The following TOM1L2 variants were observed in gnomAD, a reference collection of about 807,000 sequenced individuals.
The protein encoded by TOM1L2 is target of myb1 like 2 membrane trafficking protein.
In TOM1L2, 31 loss-of-function variants were observed where a neutral mutation model predicts 67.9. That is an observed-to-expected ratio of 0.46 (90% CI 0.34 to 0.62). TOM1L2 has a LOEUF of 0.62. Among genes scored for constraint, TOM1L2 ranks in the 20% least tolerant of loss-of-function variants. The probability of loss-of-function intolerance (pLI) is 0.01; values close to 1 mark genes in which losing one functional copy is unlikely to be tolerated. For synonymous variants in TOM1L2, 256 were observed against 254.0 expected, an observed-to-expected ratio of 1.01 and a Z score of -0.07; for missense variants, 606 against 663.5, an observed-to-expected ratio of 0.91 and a Z score of 0.95.
intron 3 of TOM1L2, 144 bp from the exon 4 acceptor site, chr17:17,893,954 C>A: frequency 2.7e-6 from 2 of 734,598 alleles, no homozygotes. Flanking sequence ...AGAGCCAAAC[C>A]TGCATGGCAC....
intron 2 of TOM1L2, among the ~76,000 whole-genome samples, chr17:17,900,539 AGAG>A (rs1297128035): frequency 6.7e-6 from 1 of 150,178 alleles, no homozygotes; most frequent in African/African-American, 2.5e-5. Flanking sequence ...AAAAAAAAAA[AGAG>A]AGAAAGAAAG....
At chr17:17,915,504 G>A (rs1031165598) in intron 1 of TOM1L2, among the ~76,000 whole-genome samples, 2 of 150,766 alleles carry the variant, frequency 1.3e-5, no homozygotes, top group African/African-American at 4.9e-5. Context: ...AATTTTTTTG[G>A]CCCCTCACCC....
At chr17:17,940,009 A>T (rs1310467418) in intron 1 of TOM1L2, among the ~76,000 whole-genome samples, 1 of 151,972 alleles carries the variant, frequency 6.6e-6, no homozygotes, top group Non-Finnish European at 1.5e-5. Context: ...CCTGGCCAAC[A>T]TGGTGAAACC....
chr17:17,892,466 C>G (rs553984572), intron 4 of TOM1L2, among the ~76,000 whole-genome samples: 2 of 152,148 alleles, frequency 1.3e-5, no homozygotes, highest in Non-Finnish European at 1.5e-5. Context: ...TGTGTCACCA[C>G]GTGCTCTGTC....
In TOM1L2 at chr17:17,910,333, G is replaced by T. The variant is rs188327042; in HGVS notation, c.53-2802C>A. On this transcript the variant is annotated intron_variant, in intron 1 of 14. Coordinates refer to ENST00000379504, the MANE Select transcript of TOM1L2 (RefSeq NM_001082968.2). ...GTGAGCTCTGTGAGGGCAGGGACTAGGTCTGTCTTGCCTTCCACTGGGTCC... is the reference window on the plus strand; with the variant it reads ...GTGAGCTCTGTGAGGGCAGGGACTATGTCTGTCTTGCCTTCCACTGGGTCC... 3.3e-5 allele frequency among the ~76,000 whole-genome samples: 5 copies of T among 152,338 alleles called. No homozygotes were observed. The South Asian group carries it at 8.3e-4, about 25-fold the overall frequency.
rs79834613 is a variant in TOM1L2, at chr17:17,850,280, C to T, written c.1338+613G>A. 4.7e-3 allele frequency among the ~76,000 whole-genome samples: 713 copies of T among 152,302 alleles called. 3 individuals are homozygous for T. Among genetic ancestry groups the T allele is most frequent in the Middle Eastern group, 0.02 (6 of 294 alleles). On this transcript the variant is annotated intron_variant, in intron 13 of 14. Transcript: ENST00000379504. Reference sequence around the variant, plus strand: ...CAGAGGGAGGGGCCAGCAGTTATCACATGCAGCCACTGCAGCTCTCCTTTC... The same window carrying T: ...CAGAGGGAGGGGCCAGCAGTTATCATATGCAGCCACTGCAGCTCTCCTTTC...
chr17:17,863,557 A>G (rs1025619175), intron 10 of TOM1L2: 1 of 142,892 alleles, frequency 7.0e-6, no homozygotes, highest in African/African-American at 2.6e-5. Flanking sequence ...GTGGGAAGAC[A>G]CTAGACTTTT....
At chr17:17,967,434 A>C (rs752667466) in intron 1 of TOM1L2, among the ~76,000 whole-genome samples, 3 of 152,272 alleles carry the variant, frequency 2.0e-5, no homozygotes, top group African/African-American at 4.8e-5. Flanking sequence ...AATGGACCTG[A>C]CTTGGGGAAC....
At chr17:17,966,269 T>C (rs1463345206) in intron 1 of TOM1L2, among the ~76,000 whole-genome samples, 1 of 152,216 alleles carries the variant, frequency 6.6e-6, no homozygotes, top group Non-Finnish European at 1.5e-5. Context: ...CTAATTTAGA[T>C]ACCTACACAC....
rs1362445170 is a variant in TOM1L2, at chr17:17,866,891, T to A, written c.945A>T (p.Gln315His). 3 of 1,614,072 alleles carry A rather than the reference T, an allele frequency of 1.9e-6. No homozygotes were observed. The Admixed American group carries it at 5.0e-5, about 27-fold the overall frequency. Reference sequence around the variant, plus strand: ...GAATACTTACTCCATTACTGGCATTTTGAACGGATCGGCCAGACCTGTATC... The same window carrying A: ...GAATACTTACTCCATTACTGGCATTATGAACGGATCGGCCAGACCTGTATC... ...FERYRSGRSV[Q>H]NASNGVLNEV... The change falls in exon 9 of 15, where the codon CAA becomes CAT. Residue 315 changes from glutamine (Q) to histidine (H), a missense_variant. Physicochemically the swap from Gln to His is conservative, Grantham distance 24 (BLOSUM62 0). Transcript: ENST00000379504.
chr17:17,962,044 A>G (rs2041700238), intron 1 of TOM1L2, among the ~76,000 whole-genome samples: 1 of 152,252 alleles, frequency 6.6e-6, no homozygotes, highest in Non-Finnish European at 1.5e-5. Context: ...AGCCTTAACA[A>G]GGAAGGAAAC....
At chr17:17,967,279 G>T (rs1316573494) in intron 1 of TOM1L2, among the ~76,000 whole-genome samples, 2 of 152,194 alleles carry the variant, frequency 1.3e-5, no homozygotes, top group Non-Finnish European at 2.9e-5. Context: ...ACAATGAAGA[G>T]AATACATGCC....
chr17:17,949,515 T>C (rs749335247), intron 1 of TOM1L2, among the ~76,000 whole-genome samples: 1 of 152,152 alleles, frequency 6.6e-6, no homozygotes, highest in Non-Finnish European at 1.5e-5. Context: ...AGGGTGGGTA[T>C]ATGAAAAAAG....
At chr17:17,919,627 AC>A (rs1448336911) in intron 1 of TOM1L2, among the ~76,000 whole-genome samples, 1 of 151,918 alleles carries the variant, frequency 6.6e-6, no homozygotes, top group African/African-American at 2.4e-5. Flanking sequence ...CATTTCCTGG[AC>A]CCCAGGAAGT....
intron 7 of TOM1L2, chr17:17,872,157 AAC>A: frequency 1.9e-5 from 9 of 475,648 alleles, no homozygotes; most frequent in Non-Finnish European, 2.5e-5. Flanking sequence ...ACACAGGGGA[AAC>A]ACTCATTACA....
chr17:17,893,612 G>A, intron 4 of TOM1L2, 49 bp downstream of exon 4: 2 of 1,555,360 alleles, frequency 1.3e-6, no homozygotes, highest in Non-Finnish European at 8.8e-7. Flanking sequence ...ATCAATAAGA[G>A]ACTTCATCTT....
At chr17:17,960,140 G>A (rs1048100912) in intron 1 of TOM1L2, among the ~76,000 whole-genome samples, 1 of 152,230 alleles carries the variant, frequency 6.6e-6, no homozygotes, top group African/African-American at 2.4e-5. Context: ...CAATACTAGT[G>A]TAGGTCTGGA....
chr17:17,959,271 C>T (rs2041592490), intron 1 of TOM1L2, among the ~76,000 whole-genome samples: 1 of 152,160 alleles, frequency 6.6e-6, no homozygotes, highest in Non-Finnish European at 1.5e-5. Flanking sequence ...AGCCCTTAAC[C>T]TCTGGGGTCC....
chr17:17,970,200 G>GCC (rs1555618768), intron 1 of TOM1L2, among the ~76,000 whole-genome samples: 4 of 151,308 alleles, frequency 2.6e-5, no homozygotes, highest in Non-Finnish European at 5.9e-5. Context: ...GACTACAGGC[G>GCC]CATGCCACCA....
Sources: allele counts gnomAD v4.1 joint callset (sites outside exome capture counted in the v4.1 genomes callset), GRCh38; gene constraint gnomAD v4.1.1; transcripts MANE v1.5; gene names NCBI Gene and HGNC (gene_info 2026-07-23, HGNC 2026-07-21).